Variants in PDE1A observed in about 807,000 individuals in gnomAD.
PDE1A encodes the protein dual specificity calcium/calmodulin-dependent 3',5'-cyclic nucleotide phosphodiesterase 1A.
In PDE1A, 35 loss-of-function variants were observed where a neutral mutation model predicts 61.7. That is an observed-to-expected ratio of 0.57 (90% CI 0.43 to 0.75). PDE1A has a LOEUF of 0.75. PDE1A is among the 30% of genes least tolerant of loss of function. The pLI is 0.00. For missense variants in PDE1A, 597 were observed against 630.6 expected (o/e 0.95, Z 0.57); for synonymous variants, 232 against 213.2 (o/e 1.09, Z -0.77).
chr2:182,548,371 C>T, the PDE1A span, among the ~76,000 whole-genome samples: 1 of 152,096 alleles, frequency 6.6e-6, no homozygotes, highest in Admixed American at 6.6e-5. Context: ...GGATCAGTGA[C>T]AAATGCTGAA....
chr2:182,217,662 G>GA (rs1688317540), intron 7 of PDE1A, among the ~76,000 whole-genome samples: 1 of 136,438 alleles, frequency 7.3e-6, no homozygotes, highest in African/African-American at 2.8e-5. Flanking sequence ...AAAAACACAT[G>GA]AAAAAATGCT....
chr2:182,272,304 T>C (rs1289743509), intron 1 of PDE1A, among the ~76,000 whole-genome samples: 1 of 152,134 alleles, frequency 6.6e-6, no homozygotes, highest in Non-Finnish European at 1.5e-5. Flanking sequence ...GGGAGGGCCC[T>C]GCACTTTCCT....
intron 2 of PDE1A, among the ~76,000 whole-genome samples, chr2:182,463,438 G>T (rs572086329): frequency 6.6e-6 from 1 of 152,046 alleles, no homozygotes; most frequent in East Asian, 1.9e-4. Context: ...TCAACCCTTA[G>T]ATTTAGAAAG....
intron 1 of PDE1A, among the ~76,000 whole-genome samples, chr2:182,410,656 A>G (rs1702559165): frequency 6.6e-6 from 1 of 152,222 alleles, no homozygotes; most frequent in Admixed American, 6.5e-5. Context: ...CCTCATCAAG[A>G]TAATATAATT....
chr2:182,323,698 G>A (rs566692481), intron 1 of PDE1A, among the ~76,000 whole-genome samples: 92 of 152,230 alleles, frequency 6.0e-4, no homozygotes, highest in African/African-American at 1.8e-3. Context: ...TCTGGCTATC[G>A]TCAATGAATA....
intron 2 of PDE1A, among the ~76,000 whole-genome samples, chr2:182,458,349 T>C (rs917120161): frequency 5.3e-5 from 8 of 152,110 alleles, no homozygotes; most frequent in Admixed American, 3.9e-4. Flanking sequence ...ACATTGTCTG[T>C]GGCAGGCACT....
chr2:182,596,747 AAG>A, the PDE1A span, among the ~76,000 whole-genome samples: 1 of 152,038 alleles, frequency 6.6e-6, no homozygotes, highest in Non-Finnish European at 1.5e-5. Context: ...GGCAAGGACA[AAG>A]AGAGTAAGGC....
intron 2 of PDE1A, among the ~76,000 whole-genome samples, chr2:182,446,231 T>C (rs535007052): frequency 2.2e-4 from 33 of 152,238 alleles, no homozygotes; most frequent in Non-Finnish European, 4.7e-4. Flanking sequence ...ATGAAAAGCA[T>C]GCATAATTAC....
chr2:182,697,402 T>C, the PDE1A span, among the ~76,000 whole-genome samples: 2 of 152,206 alleles, frequency 1.3e-5, no homozygotes, highest in Non-Finnish European at 2.9e-5. Context: ...AGACTATTTG[T>C]GATAATTTGG....
intron 1 of PDE1A, among the ~76,000 whole-genome samples, chr2:182,371,774 T>C (rs1427432399): frequency 3.3e-5 from 5 of 152,024 alleles, no homozygotes; most frequent in African/African-American, 1.2e-4. Context: ...ACCTACAAAA[T>C]GAATTAACAT....
intron 7 of PDE1A, among the ~76,000 whole-genome samples, chr2:182,210,632 T>C (rs189065293): frequency 2.6e-5 from 4 of 152,312 alleles, no homozygotes; most frequent in African/African-American, 9.6e-5. Context: ...GTGTCTTTGG[T>C]AGAGCATAAA....
intron 1 of PDE1A, among the ~76,000 whole-genome samples, chr2:182,292,829 A>G (rs1694627669): frequency 6.6e-6 from 1 of 152,056 alleles, no homozygotes; most frequent in African/African-American, 2.4e-5. Flanking sequence ...ATATGCATCT[A>G]TACAAATATC....
At chr2:182,493,491 C>T (rs1688523864) in intron 2 of PDE1A, among the ~76,000 whole-genome samples, 1 of 152,076 alleles carries the variant, frequency 6.6e-6, no homozygotes. Flanking sequence ...TCCAAGTGTT[C>T]TCATTGTTCA....
At chr2:182,569,224 G>A in the PDE1A span, among the ~76,000 whole-genome samples, 1 of 145,932 alleles carries the variant, frequency 6.9e-6, no homozygotes, top group Non-Finnish European at 1.5e-5. Flanking sequence ...CTGCACTTCA[G>A]CCTGAGTGAC....
chr2:182,417,333 CT>C (rs1702982948), intron 1 of PDE1A, among the ~76,000 whole-genome samples: 1 of 152,164 alleles, frequency 6.6e-6, no homozygotes, highest in Non-Finnish European at 1.5e-5. Context: ...GTGTGCTTCT[CT>C]TTAGGTCTGT....
chr2:182,465,691 A>C (rs1208951216), intron 2 of PDE1A, among the ~76,000 whole-genome samples: 1 of 152,076 alleles, frequency 6.6e-6, no homozygotes. Flanking sequence ...ATATTTACTG[A>C]CTTCACGTCT....
At chr2:182,378,369 C>A (rs1174236456) in intron 1 of PDE1A, among the ~76,000 whole-genome samples, 1 of 152,024 alleles carries the variant, frequency 6.6e-6, no homozygotes, top group African/African-American at 2.4e-5. Context: ...CCATGAAAAA[C>A]CTTTTTGGAA....
exon 8 of PDE1A, chr2:182,206,020 A>G: frequency 6.2e-7 from 1 of 1,612,804 alleles, no homozygotes; most frequent in Non-Finnish European, 8.5e-7. Context: ...TCACGTGGTG[A>G]TTCTCAAGGA....
chr2:182,333,618 A>G (rs1410230963), intron 1 of PDE1A, among the ~76,000 whole-genome samples: 3 of 152,164 alleles, frequency 2.0e-5, no homozygotes, highest in Non-Finnish European at 2.9e-5. Context: ...GGTGCCCACA[A>G]GAGAAAGCAG....
Sources: gnomAD v4.1 joint callset for allele counts (sites outside exome capture counted in the v4.1 genomes callset) on GRCh38, gnomAD v4.1.1 for gene constraint, MANE v1.5 for transcripts, NCBI Gene and HGNC (gene_info 2026-07-23, HGNC 2026-07-21) for gene names.